SDK1: variants seen among roughly 807,000 people sequenced by gnomAD.
SDK1 encodes the protein sidekick cell adhesion molecule 1.
In SDK1, 157 loss-of-function variants were observed where a neutral mutation model predicts 245.5. That is an observed-to-expected ratio of 0.64 (90% CI 0.56 to 0.73). The LOEUF (loss-of-function observed/expected upper bound fraction) is 0.73. Among genes scored for constraint, SDK1 ranks in the 30% least tolerant of loss-of-function variants. The pLI, the probability that SDK1 is intolerant of heterozygous loss-of-function variation, is 0.00. For synonymous variants in SDK1, 1,647 were observed against 1,278.5 expected, an observed-to-expected ratio of 1.29 and a Z score of -6.15; for missense variants, 3,583 against 3,002.3, an observed-to-expected ratio of 1.19 and a Z score of -4.52.
intron 22 of SDK1, among the ~76,000 whole-genome samples, chr7:4,103,367 G>T (rs888113521): frequency 1.3e-5 from 2 of 152,222 alleles, no homozygotes; most frequent in African/African-American, 4.8e-5. Flanking sequence ...CACATTGTTA[G>T]TGAGCACCCA....
In SDK1 at chr7:3,951,873, G is replaced by A; in HGVS notation, c.1103G>A (p.Gly368Glu). ...GPYVCEAALP[G>E]SAFEPARATA... ...TACGTCTGCGAGGCGGCGCTGCCGGGGAGCGCTTTTGAACCGGCCAGGGCG... is the reference window on the plus strand; with the variant it reads ...TACGTCTGCGAGGCGGCGCTGCCGGAGAGCGCTTTTGAACCGGCCAGGGCG... Residue 368 changes from glycine (G) to glutamate (E), a missense_variant, in exon 7 of 45, where the codon GGG (glycine) becomes GAG (glutamate). Gly to Glu is a moderately conservative substitution (Grantham distance 98). Coordinates refer to ENST00000404826, the MANE Select transcript of SDK1 (RefSeq NM_152744.4). The A allele has an allele frequency of 1.2e-6, 2 of 1,613,684 alleles. No individual in the cohort carries two copies. The highest frequency in any genetic ancestry group is 1.1e-5 in the South Asian group (1 of 91,072).
chr7:3,716,043 AAGAT>A (rs1377977803), intron 4 of SDK1, among the ~76,000 whole-genome samples: 1 of 152,098 alleles, frequency 6.6e-6, no homozygotes, highest in Non-Finnish European at 1.5e-5. Context: ...GGAGAAGACA[AAGAT>A]AGATCGGTGA....
chr7:3,689,416 A>G (rs544802516), intron 4 of SDK1, among the ~76,000 whole-genome samples: 1 of 152,194 alleles, frequency 6.6e-6, no homozygotes, highest in African/African-American at 2.4e-5. Flanking sequence ...AACCTGGTAC[A>G]AGCTAAGCAG....
intron 4 of SDK1, among the ~76,000 whole-genome samples, chr7:3,695,801 T>C (rs1300336247): frequency 6.6e-6 from 1 of 152,202 alleles, no homozygotes; most frequent in East Asian, 1.9e-4. Flanking sequence ...GTAGCCTGTA[T>C]GTGCAGTAGA....
chr7:4,219,047 A>G (rs1784993456), intron 38 of SDK1, among the ~76,000 whole-genome samples: 1 of 152,210 alleles, frequency 6.6e-6, no homozygotes, highest in Admixed American at 6.5e-5. Context: ...AACCAGCAAG[A>G]CTTTTGCATG....
chr7:3,370,126 A>G (rs2128563108), intron 1 of SDK1, among the ~76,000 whole-genome samples: 1 of 152,370 alleles, frequency 6.6e-6, no homozygotes, highest in Non-Finnish European at 1.5e-5. Context: ...GTGAATGGAA[A>G]GATGTACATA....
intron 8 of SDK1, among the ~76,000 whole-genome samples, chr7:3,960,760 T>A (rs1781613792): frequency 1.3e-5 from 2 of 152,172 alleles, no homozygotes. Context: ...GGGGAAAAAG[T>A]GTGAGAGAAG....
chr7:4,138,748 C>CA (rs55654163), intron 28 of SDK1, among the ~76,000 whole-genome samples: 93,778 of 141,638 alleles, frequency 0.66, 31,086 homozygotes, highest in East Asian at 0.85. Flanking sequence ...AACTCTGTCT[C>CA]AAAAAAAAAA....
At chr7:3,778,819 A>C (rs1043521112) in intron 4 of SDK1, among the ~76,000 whole-genome samples, 2 of 152,228 alleles carry the variant, frequency 1.3e-5, no homozygotes, top group Admixed American at 6.5e-5. Flanking sequence ...GTCGATTTCA[A>C]AGTGCTTCAA....
intron 4 of SDK1, among the ~76,000 whole-genome samples, chr7:3,687,519 T>C (rs530513815): frequency 3.7e-4 from 56 of 152,284 alleles, no homozygotes; most frequent in African/African-American, 1.3e-3. Context: ...CCATCTGTAA[T>C]GTGGGACGCT....
At chr7:4,092,066 A>G (rs1394284778) in intron 22 of SDK1, among the ~76,000 whole-genome samples, 1 of 152,200 alleles carries the variant, frequency 6.6e-6, no homozygotes, top group East Asian at 1.9e-4. Flanking sequence ...AGGGCCCGGA[A>G]TCCCAGCTCC....
At chr7:3,488,986 G>C (rs905359045) in intron 1 of SDK1, among the ~76,000 whole-genome samples, 19 of 151,892 alleles carry the variant, frequency 1.3e-4, no homozygotes, top group African/African-American at 4.6e-4. Flanking sequence ...TGAGTGGAAT[G>C]GTGTTACATG....
At chr7:4,066,182 T>G (rs1048119974) in intron 19 of SDK1, among the ~76,000 whole-genome samples, 1 of 152,154 alleles carries the variant, frequency 6.6e-6, no homozygotes, top group African/African-American at 2.4e-5. Context: ...TACCCTTTCC[T>G]CCTGCCCTTT....
At chr7:3,448,889 T>G (rs17133370) in intron 1 of SDK1, among the ~76,000 whole-genome samples, 1 of 152,048 alleles carries the variant, frequency 6.6e-6, no homozygotes, top group Admixed American at 6.6e-5. Flanking sequence ...CTGTTACTCT[T>G]TATTGTTTCT....
chr7:3,686,639 GGT>G (rs1174484658), intron 4 of SDK1, among the ~76,000 whole-genome samples: 5 of 142,878 alleles, frequency 3.5e-5, no homozygotes. Context: ...AGATTGGTTG[GGT>G]GACAGGACAC....
At chr7:3,997,153 A>G (rs1166003341) in intron 14 of SDK1, among the ~76,000 whole-genome samples, 2 of 152,172 alleles carry the variant, frequency 1.3e-5, no homozygotes, top group Non-Finnish European at 2.9e-5. Context: ...CTTATTGGAA[A>G]TTGTTACGGG....
chr7:4,044,859 T>C (rs895974813), intron 17 of SDK1, among the ~76,000 whole-genome samples: 1 of 152,206 alleles, frequency 6.6e-6, no homozygotes, highest in Non-Finnish European at 1.5e-5. Flanking sequence ...TTAGCCCACA[T>C]TCACCAGCGT....
At chr7:3,534,835 C>G (rs948230689) in intron 1 of SDK1, among the ~76,000 whole-genome samples, 3 of 152,172 alleles carry the variant, frequency 2.0e-5, no homozygotes, top group African/African-American at 7.2e-5. Context: ...GGCAGTTGTG[C>G]CAATCATGTT....
chr7:3,372,698 C>G (rs372305307), intron 1 of SDK1, among the ~76,000 whole-genome samples: 10 of 152,158 alleles, frequency 6.6e-5, no homozygotes, highest in African/African-American at 1.4e-4. Context: ...TTGTTACTTG[C>G]AGCTGACTAC....
Sources: gnomAD v4.1 joint callset for allele counts (sites outside exome capture counted in the v4.1 genomes callset) on GRCh38, gnomAD v4.1.1 for gene constraint, MANE v1.5 for transcripts, NCBI Gene and HGNC (gene_info 2026-07-23, HGNC 2026-07-21) for gene names.